ADD2: variants seen among roughly 807,000 people sequenced by gnomAD.
ADD2 encodes the protein beta-adducin.
ADD2 carries 23 observed loss-of-function variants against 83.0 expected under a neutral mutation model. The observed-to-expected ratio is 0.28, with a 90% CI of 0.20 to 0.39. The LOEUF (loss-of-function observed/expected upper bound fraction) is 0.39, where lower values mean the gene tolerates loss of function less well. Ranked by LOEUF, ADD2 falls within the 10% of genes least tolerant of loss-of-function variation. The probability of loss-of-function intolerance (pLI) is 1.00; values close to 1 mark genes in which losing one functional copy is unlikely to be tolerated. For missense variants in ADD2, 758 were observed against 944.9 expected (o/e 0.80, Z 2.59); for synonymous variants, 375 against 375.4 (o/e 1.00, Z 0.01).
At chr2:70,750,481 G>A (rs1380017292) in intron 1 of ADD2, among the ~76,000 whole-genome samples, 1 of 152,134 alleles carries the variant, frequency 6.6e-6, no homozygotes, top group Non-Finnish European at 1.5e-5. Flanking sequence ...TCCTTATAAG[G>A]AATGGGAAGA....
chr2:70,767,462 T>A (rs1414939620), intron 1 of ADD2: 2 of 233,358 alleles, frequency 8.6e-6, no homozygotes, highest in Non-Finnish European at 1.4e-5. Flanking sequence ...CAAGCCCGCC[T>A]CGCACCGCTA....
At chr2:70,739,098 C>T (rs1673738335) in intron 1 of ADD2, among the ~76,000 whole-genome samples, 1 of 152,132 alleles carries the variant, frequency 6.6e-6, no homozygotes, top group African/African-American at 2.4e-5. Context: ...GGAGAGTAAA[C>T]AGACAACCTA....
At chr2:70,724,253 C>T (rs531952592) in intron 1 of ADD2, among the ~76,000 whole-genome samples, 92 of 152,360 alleles carry the variant, frequency 6.0e-4, no homozygotes, top group African/African-American at 2.1e-3. Flanking sequence ...AGGACCCACC[C>T]CGTGCTGTGG....
intron 1 of ADD2, among the ~76,000 whole-genome samples, chr2:70,736,366 A>G (rs1673560109): frequency 6.6e-6 from 1 of 152,230 alleles, no homozygotes; most frequent in South Asian, 2.1e-4. Context: ...AGCACCGGTT[A>G]ACTGGGATTT....
chr2:70,745,039 C>T (rs535682655), intron 1 of ADD2, among the ~76,000 whole-genome samples: 4 of 152,204 alleles, frequency 2.6e-5, no homozygotes, highest in Admixed American at 1.3e-4. Context: ...GTAATCCCAG[C>T]ACTTTGGGAG....
intron 1 of ADD2, among the ~76,000 whole-genome samples, chr2:70,726,144 G>A (rs902795871): frequency 9.9e-5 from 12 of 121,744 alleles, no homozygotes; most frequent in Admixed American, 1.1e-4. Flanking sequence ...CCAAGATCCC[G>A]CCACGGCACT....
rs782383722 is a variant in ADD2 at position 70,713,176 on chromosome 2, A to G, written c.-145T>C. On this transcript the variant is annotated 5_prime_UTR_variant, in exon 2 of 16. Coordinates refer to ENST00000264436, the MANE Select transcript of ADD2 (RefSeq NM_001617.4). ...CACATCTACACAACCTCAAACATCC[A>G]GGTGGAAACTGCAAAACACAAACAC... 1.2e-4 allele frequency: 121 copies of G among 985,330 alleles called. No homozygotes were observed. Among genetic ancestry groups the G allele is most frequent in the Non-Finnish European group, 1.4e-4 (119 of 829,946 alleles). 61.0% of individuals were successfully genotyped at this position (985,330 alleles called of 1,614,324 possible).
Position 70,754,354 on chromosome 2 carries a change from A to G in ADD2, c.-154+13532T>C, listed in dbSNP as rs138345202. 6.1e-3 allele frequency among the ~76,000 whole-genome samples: 929 copies of G among 152,260 alleles called. 3 individuals carry two copies. Among genetic ancestry groups the G allele is most frequent in the Non-Finnish European group, 9.8e-3 (665 of 68,012 alleles). On this transcript the variant is annotated intron_variant, in intron 1 of 15. Transcript: ENST00000264436. ...GTGATCCACAAACGAAGAAGCTAAA[A>G]TGTGGCTCTCCCACAGGACACTATT...
intron 1 of ADD2, among the ~76,000 whole-genome samples, chr2:70,761,888 G>GT: frequency 6.6e-6 from 1 of 151,330 alleles, no homozygotes; most frequent in Non-Finnish European, 1.5e-5. Flanking sequence ...AGCCAGGATG[G>GT]CCGATCTCCT....
intron 1 of ADD2, among the ~76,000 whole-genome samples, chr2:70,724,703 C>T (rs533364190): frequency 3.9e-5 from 6 of 152,330 alleles, no homozygotes; most frequent in East Asian, 1.9e-4. Context: ...CTGCTGGCCA[C>T]GGCTGTGCTT....
At position 70,742,140 on chromosome 2, in the gene ADD2, A is replaced by G. The variant is rs150891313; in HGVS notation, c.-154+25746T>C. Among the ~76,000 whole-genome samples, 560 of 152,362 alleles carry G rather than the reference A, an allele frequency of 3.7e-3. 4 individuals carry two copies. The Middle Eastern group carries it at 0.037, about 10-fold the overall frequency. On this transcript the variant is annotated intron_variant, in intron 1 of 15. Transcript: ENST00000264436. ...AATTCAAATACATCTGAGACTACCA[A>G]TACCTTGTGCTAATTCTTCTTTTCC...
chr2:70,696,085 T>C (rs1671292715), intron 5 of ADD2, among the ~76,000 whole-genome samples, 160 bp downstream of exon 5: 1 of 152,226 alleles, frequency 6.6e-6, no homozygotes, highest in South Asian at 2.1e-4. Context: ...CAGGATGCCT[T>C]ATCAATGACC....
Position 70,688,876 on chromosome 2 carries a change from C to T in ADD2, c.850-754G>A, listed in dbSNP as rs560357796. On this transcript the variant is annotated intron_variant, in intron 8 of 15. Coordinates refer to ENST00000264436, the MANE Select transcript of ADD2 (RefSeq NM_001617.4). Reference sequence around the variant, plus strand: ...CTTTGGGAGGCTAAGGTGGGCAGATCACTTGAGGTCAGGAGTTCGAGACCA... The same window carrying T: ...CTTTGGGAGGCTAAGGTGGGCAGATTACTTGAGGTCAGGAGTTCGAGACCA... Among the ~76,000 whole-genome samples the T allele has an allele frequency of 1.5e-4, 23 of 152,290 alleles. No homozygotes were observed. In the South Asian group the frequency reaches 4.8e-3, roughly 32 times the overall value.
chr2:70,671,127 G>A (rs1260925393), intron 15 of ADD2, among the ~76,000 whole-genome samples: 1 of 152,130 alleles, frequency 6.6e-6, no homozygotes, highest in Non-Finnish European at 1.5e-5. Flanking sequence ...GGCCCTCTAT[G>A]CATCCTTATA....
intron 1 of ADD2, among the ~76,000 whole-genome samples, chr2:70,763,282 T>G (rs994442856): frequency 2.6e-5 from 4 of 151,866 alleles, no homozygotes; most frequent in African/African-American, 9.7e-5. Flanking sequence ...GAAGATTTGG[T>G]GGTGGTTGTC....
At chr2:70,735,491 C>T (rs987531757) in intron 1 of ADD2, among the ~76,000 whole-genome samples, 3 of 152,078 alleles carry the variant, frequency 2.0e-5, no homozygotes, top group African/African-American at 4.8e-5. Context: ...CACCCACATA[C>T]ACAGCTACCT....
intron 12 of ADD2, among the ~76,000 whole-genome samples, chr2:70,677,296 G>C (rs2104235893): frequency 6.6e-6 from 1 of 152,146 alleles, no homozygotes; most frequent in Admixed American, 6.5e-5. Flanking sequence ...TTCAACAAGC[G>C]CTGTAGGGTA....
Position 70,706,200 on chromosome 2 carries a change from C to A in ADD2, c.183+26G>T. The A allele has an allele frequency of 1.9e-6, 3 of 1,609,682 alleles. No homozygotes were observed. Among genetic ancestry groups the A allele is most frequent in the Non-Finnish European group, 2.5e-6 (3 of 1,177,306 alleles). On this transcript the variant is annotated intron_variant, in intron 3 of 15. Coordinates refer to ENST00000264436, the MANE Select transcript of ADD2 (RefSeq NM_001617.4). This position sits in a 1 kb window ranked among gnomAD's most constrained non-coding sequence, Gnocchi z 5.0. Reference sequence around the variant, plus strand: ...GAAGAGCCAGCGCCCCCTGCGCCCTCTCCCGCCCGGGTCAGCCCCACTCAC... The same window carrying A: ...GAAGAGCCAGCGCCCCCTGCGCCCTATCCCGCCCGGGTCAGCCCCACTCAC...
chr2:70,763,268 T>A (rs1675211079), intron 1 of ADD2, among the ~76,000 whole-genome samples: 1 of 151,828 alleles, frequency 6.6e-6, no homozygotes, highest in Non-Finnish European at 1.5e-5. Context: ...GCTCTTCGAG[T>A]TTGGAAGATT....
Sources: gnomAD v4.1 joint callset for allele counts (sites outside exome capture counted in the v4.1 genomes callset) on GRCh38, gnomAD v4.1.1 for gene constraint, Gnocchi (gnomAD v3.1) non-coding constraint, MANE v1.5 for transcripts, NCBI Gene and HGNC (gene_info 2026-07-23, HGNC 2026-07-21) for gene names.